HPSE2: variants seen among roughly 807,000 people sequenced by gnomAD.
The protein encoded by HPSE2 is inactive heparanase-2.
A neutral mutation model predicts 60.5 loss-of-function variants in HPSE2; 38 were observed. The ratio of observed to expected loss-of-function variants is 0.63; its 90% CI spans 0.48 to 0.82. The LOEUF (loss-of-function observed/expected upper bound fraction) is 0.82. HPSE2 is among the 40% of genes least tolerant of loss of function. The pLI is 0.00. For synonymous variants in HPSE2, 295 were observed against 293.2 expected (o/e 1.01, Z -0.06); for missense variants, 713 against 740.4 (o/e 0.96, Z 0.43).
intron 3 of HPSE2, among the ~76,000 whole-genome samples, chr10:99,050,723 C>A (rs997450130): frequency 3.3e-5 from 5 of 151,954 alleles, no homozygotes; most frequent in Non-Finnish European, 5.9e-5. Flanking sequence ...CATGGGTGAA[C>A]CTGGAGGTCA....
chr10:99,187,399 T>C (rs1200700299), intron 2 of HPSE2, among the ~76,000 whole-genome samples: 1 of 152,178 alleles, frequency 6.6e-6, no homozygotes, highest in Non-Finnish European at 1.5e-5. Flanking sequence ...AAATTATGAA[T>C]TGCATTTCAT....
intron 3 of HPSE2, among the ~76,000 whole-genome samples, chr10:98,938,834 A>G (rs1261777312): frequency 6.9e-6 from 1 of 144,112 alleles, no homozygotes. Context: ...GCAGACAGAG[A>G]GAAAGGTCAG....
chr10:98,621,613 T>TA (rs1195130424), intron 7 of HPSE2, among the ~76,000 whole-genome samples: 1 of 152,182 alleles, frequency 6.6e-6, no homozygotes, highest in Non-Finnish European at 1.5e-5. Context: ...TTGACAACCA[T>TA]TGCTGGCAAA....
At chr10:99,157,715 CCAAAAGCAATGGCAA>C (rs1846635052) in intron 2 of HPSE2, among the ~76,000 whole-genome samples, 1 of 144,376 alleles carries the variant, frequency 6.9e-6, no homozygotes, top group East Asian at 2.1e-4. Context: ...GTCTAAAACA[CCAAAAGCAATGGCAA>C]CAAAAGCCAA....
At chr10:99,075,815 T>C (rs1842935347) in intron 3 of HPSE2, among the ~76,000 whole-genome samples, 1 of 152,224 alleles carries the variant, frequency 6.6e-6, no homozygotes, top group Non-Finnish European at 1.5e-5. Flanking sequence ...ACTAACAGTC[T>C]ATTTTGTCTT....
intron 3 of HPSE2, among the ~76,000 whole-genome samples, chr10:98,980,780 G>A (rs1460822320): frequency 6.6e-6 from 1 of 152,020 alleles, no homozygotes. Flanking sequence ...TTTAACAATT[G>A]GCAATTTCAT....
At position 99,155,988 on chromosome 10, in the gene HPSE2, T is replaced by G. The variant is rs1303885404; in HGVS notation, c.449-11589A>C. 9.9e-5 allele frequency among the ~76,000 whole-genome samples: 15 copies of G among 151,370 alleles called. No individual in the cohort carries two copies. The East Asian group carries it at 1.6e-3, about 16-fold the overall frequency. ...TATAAACACCTCTACGCAAATAAAC[T>G]AGAAAATCTAGAAGAAATGGATAAA... On this transcript the variant is annotated intron_variant, in intron 2 of 11. Transcript: ENST00000370552.
intron 3 of HPSE2, among the ~76,000 whole-genome samples, chr10:99,078,557 T>C (rs1267593155): frequency 6.6e-6 from 1 of 152,164 alleles, no homozygotes; most frequent in African/African-American, 2.4e-5. Context: ...ACTTTAAACA[T>C]GCATATATTG....
chr10:98,661,205 T>C (rs1386327346), intron 6 of HPSE2, among the ~76,000 whole-genome samples: 2 of 152,206 alleles, frequency 1.3e-5, no homozygotes, highest in East Asian at 3.9e-4. Flanking sequence ...AAAGGATACA[T>C]AAGAAAAGTC....
chr10:98,719,032 C>T (rs534451969), intron 5 of HPSE2, among the ~76,000 whole-genome samples: 1 of 152,002 alleles, frequency 6.6e-6, no homozygotes, highest in East Asian at 1.9e-4. Context: ...TTTTTAAAAA[C>T]TTAGACATTG....
rs1392038697 is a variant in HPSE2, at chr10:98,960,716, TTTTTG to T, written c.610+183517_610+183521del. Among the ~76,000 whole-genome samples, 148 of 104,604 alleles carry T rather than the reference TTTTTG, an allele frequency of 1.4e-3. 3 individuals carry two copies. The highest frequency in any genetic ancestry group is 2.3e-3 in the Admixed American group (25 of 10,714). The allele number at this position is 104,604 out of a possible 152,430, so 68.6% of individuals were successfully genotyped here. A position where few individuals can be genotyped will look rare whatever the true frequency, so the allele number is the denominator to read the frequency against. On this transcript the variant is annotated intron_variant, in intron 3 of 11. Coordinates refer to ENST00000370552, the MANE Select transcript of HPSE2 (RefSeq NM_021828.5). The stretch of plus-strand genomic sequence containing the variant: ...ATGTACATTTCTTTTTTTTTTTTTT[TTTTTG>T]TTTTATTTTTTTTATTTTATTTTTT...
chr10:99,049,481 TGACA>T (rs1047549407), intron 3 of HPSE2, among the ~76,000 whole-genome samples: 13 of 152,224 alleles, frequency 8.5e-5, no homozygotes, highest in African/African-American at 2.4e-4. Context: ...AGTCAAATTT[TGACA>T]GACAAAGGCA....
chr10:99,193,374 A>T (rs905938559), intron 2 of HPSE2, among the ~76,000 whole-genome samples: 1 of 152,140 alleles, frequency 6.6e-6, no homozygotes, highest in Non-Finnish European at 1.5e-5. Flanking sequence ...GGAAGAGAAG[A>T]CTACAAGACA....
At chr10:99,006,446 T>A (rs1168368891) in intron 3 of HPSE2, among the ~76,000 whole-genome samples, 3 of 152,186 alleles carry the variant, frequency 2.0e-5, no homozygotes, top group Non-Finnish European at 2.9e-5. Flanking sequence ...TGCCAGAGGC[T>A]ATGACCTGGT....
intron 3 of HPSE2, among the ~76,000 whole-genome samples, chr10:98,989,899 A>G: frequency 6.6e-6 from 1 of 152,054 alleles, no homozygotes; most frequent in East Asian, 1.9e-4. Flanking sequence ...CTGTCTCATC[A>G]CTGAATTTTT....
At chr10:98,752,202 A>T (rs144803202) in intron 3 of HPSE2, among the ~76,000 whole-genome samples, 1,677 of 152,322 alleles carry the variant, frequency 0.011, 17 homozygotes, top group Admixed American at 0.023. Context: ...GGATAGAAAA[A>T]TATGTGACTG....
chr10:98,468,213 G>T (rs981634426), intron 11 of HPSE2, among the ~76,000 whole-genome samples: 2 of 152,260 alleles, frequency 1.3e-5, no homozygotes, highest in South Asian at 4.1e-4. Context: ...TGCATCTGGG[G>T]CAGCTTGAAC....
intron 3 of HPSE2, among the ~76,000 whole-genome samples, chr10:99,092,485 A>G (rs1843549699): frequency 6.6e-6 from 1 of 152,186 alleles, no homozygotes; most frequent in Non-Finnish European, 1.5e-5. Flanking sequence ...ACAATCTCCA[A>G]TAGAAATTTC....
At position 98,895,939 on chromosome 10, in the gene HPSE2, G is replaced by A. The variant is rs543253187; in HGVS notation, c.611-151883C>T. Among the ~76,000 whole-genome samples, 124 of 102,632 alleles carry A rather than the reference G, an allele frequency of 1.2e-3. No individual in the cohort carries two copies. The Middle Eastern group carries it at 0.022, about 18-fold the overall frequency. The allele number at this position is 102,632 out of a possible 152,430, so 67.3% of individuals were successfully genotyped here. On this transcript the variant is annotated intron_variant, in intron 3 of 11. Coordinates refer to ENST00000370552, the MANE Select transcript of HPSE2 (RefSeq NM_021828.5). ...ATCACACTCTGGGGACTGTTGTGGG[G>A]TGGGGGGAGGGGGGAGGGATAGCCT...
Sources: gnomAD v4.1 joint callset for allele counts (sites outside exome capture counted in the v4.1 genomes callset) on GRCh38, gnomAD v4.1.1 for gene constraint, MANE v1.5 for transcripts, NCBI Gene and HGNC (gene_info 2026-07-23, HGNC 2026-07-21) for gene names.